Variants in TMEM272 observed in about 807,000 individuals in gnomAD.
The protein encoded by TMEM272 is long intergenic non-protein coding RNA 282.
In TMEM272, 8 loss-of-function variants were observed where a neutral mutation model predicts 3.7. That is an observed-to-expected ratio of 2.17 (90% CI 1.27 to 3.91). The LOEUF (loss-of-function observed/expected upper bound fraction) is 3.91, where lower values mean the gene tolerates loss of function less well. TMEM272 is among the 30% of genes most tolerant of loss of function. The pLI, the probability that TMEM272 is intolerant of heterozygous loss-of-function variation, is 0.00. For missense variants in TMEM272, 166 were observed against 91.5 expected (o/e 1.81, Z -3.32); for synonymous variants, 63 against 39.8 (o/e 1.58, Z -2.20).
the TMEM272 span, among the ~76,000 whole-genome samples, chr13:51,912,814 G>A: frequency 3.9e-5 from 6 of 152,128 alleles, no homozygotes; most frequent in African/African-American, 9.7e-5. Context: ...TTTAATGCAC[G>A]CTCACTGAAT....
the TMEM272 span, chr13:51,866,202 T>A: frequency 1.1e-6 from 1 of 886,000 alleles, no homozygotes; most frequent in Non-Finnish European, 1.7e-6. Flanking sequence ...AAAGATCCAA[T>A]AAAGTCCTGA....
At chr13:51,827,281 G>T (rs1275710969) in intron 2 of TMEM272, among the ~76,000 whole-genome samples, 3 of 152,118 alleles carry the variant, frequency 2.0e-5, no homozygotes, top group Non-Finnish European at 4.4e-5. Context: ...CACAGGCTTG[G>T]GTCCAAATCC....
intron 2 of TMEM272, among the ~76,000 whole-genome samples, chr13:51,831,356 CAA>C (rs1286899887): frequency 6.6e-6 from 1 of 152,098 alleles, no homozygotes; most frequent in Non-Finnish European, 1.5e-5. Flanking sequence ...CCCAGGAGTT[CAA>C]GTCTGTAGTG....
the TMEM272 span, among the ~76,000 whole-genome samples, chr13:51,874,167 C>T: frequency 0.53 from 80,712 of 152,068 alleles, 21,602 homozygotes; most frequent in Non-Finnish European, 0.56. Flanking sequence ...AGAGCCCACA[C>T]CCTGCTGCAG....
chr13:51,880,816 G>A, the TMEM272 span, among the ~76,000 whole-genome samples: 3 of 152,152 alleles, frequency 2.0e-5, no homozygotes, highest in Non-Finnish European at 4.4e-5. Flanking sequence ...GGGGGTGAGG[G>A]ATAAAAGACT....
At chr13:51,854,990 G>A in the TMEM272 span, among the ~76,000 whole-genome samples, 1 of 152,146 alleles carries the variant, frequency 6.6e-6, no homozygotes, top group Non-Finnish European at 1.5e-5. Flanking sequence ...GGACATCTCA[G>A]AGATACCTAG....
chr13:51,870,261 G>T, the TMEM272 span, among the ~76,000 whole-genome samples: 958 of 151,826 alleles, frequency 6.3e-3, 7 homozygotes, highest in African/African-American at 0.018. Context: ...GGTTTTTTTT[G>T]TGTGTGTGAC....
the TMEM272 span, among the ~76,000 whole-genome samples, chr13:51,915,784 T>C: frequency 2.6e-5 from 4 of 152,200 alleles, no homozygotes; most frequent in Non-Finnish European, 5.9e-5. Flanking sequence ...TTAAAATCAC[T>C]GACACGTGGC....
chr13:51,851,848 T>G, the TMEM272 span, among the ~76,000 whole-genome samples: 18 of 152,196 alleles, frequency 1.2e-4, no homozygotes, highest in Non-Finnish European at 2.2e-4. Context: ...TACAGCTGCA[T>G]AGTACTTTGC....
At chr13:51,849,993 T>A (rs370248725), upstream of TMEM272, among the ~76,000 whole-genome samples, 109 of 152,278 alleles carry the variant, frequency 7.2e-4, no homozygotes, top group African/African-American at 2.6e-3. Context: ...GACAGGAGGA[T>A]TGCTTGACAC....
chr13:51,870,584 A>G, the TMEM272 span, among the ~76,000 whole-genome samples: 2 of 152,246 alleles, frequency 1.3e-5, no homozygotes, highest in Admixed American at 6.5e-5. Flanking sequence ...GAAATCCACA[A>G]GAACAAAAAG....
the TMEM272 span, among the ~76,000 whole-genome samples, chr13:51,876,688 T>A: frequency 2.6e-5 from 4 of 152,284 alleles, no homozygotes; most frequent in East Asian, 7.7e-4. Flanking sequence ...GTCTGGAAAA[T>A]CAATTTTTGG....
At chr13:51,926,704 G>T in the TMEM272 span, among the ~76,000 whole-genome samples, 2 of 152,082 alleles carry the variant, frequency 1.3e-5, no homozygotes, top group Non-Finnish European at 2.9e-5. Flanking sequence ...GGGGACAGGG[G>T]CATGCTGGGA....
At chr13:51,841,185 G>T (rs981600416) in intron 1 of TMEM272, among the ~76,000 whole-genome samples, 1 of 152,190 alleles carries the variant, frequency 6.6e-6, no homozygotes, top group Non-Finnish European at 1.5e-5. Flanking sequence ...CCGGAAGGTC[G>T]GTTCCTTTCC....
At chr13:51,884,266 T>C in the TMEM272 span, among the ~76,000 whole-genome samples, 138,264 of 152,270 alleles carry the variant, frequency 0.91, 63,085 homozygotes, top group East Asian at 0.97. Flanking sequence ...ATGCAGGATT[T>C]GGGGTTGATC....
chr13:51,863,672 GACACACACACACACACAC>G, the TMEM272 span, among the ~76,000 whole-genome samples: 3 of 134,388 alleles, frequency 2.2e-5, no homozygotes, highest in African/African-American at 8.2e-5. Context: ...CGCGCACACA[GACACACACACACACACAC>G]ACACACACAC....
rs1956290612 is a variant in TMEM272, at chr13:51,823,760, A to G, written c.119-1623T>C. Among the ~76,000 whole-genome samples, 3 of 152,382 alleles carry G rather than the reference A, an allele frequency of 2.0e-5. No individual in the cohort carries two copies. In the South Asian group the frequency reaches 6.2e-4, roughly 32 times the overall value. On this transcript the variant is annotated intron_variant, in intron 3 of 4. Coordinates refer to ENST00000629372, the MANE Select transcript of TMEM272 (RefSeq NM_001351003.2). The stretch of plus-strand genomic sequence containing the variant: ...TTTTATTCCCTATAAATGCCTTGAT[A>G]CTTAAGCAGAGGGAGTAAACTGTTT...
At chr13:51,850,280 G>T in the TMEM272 span, among the ~76,000 whole-genome samples, 1 of 152,042 alleles carries the variant, frequency 6.6e-6, no homozygotes, top group African/African-American at 2.4e-5. Flanking sequence ...AAGTAATGAT[G>T]ATTTCCTTAT....
At chr13:51,856,839 A>G in the TMEM272 span, among the ~76,000 whole-genome samples, 2 of 152,218 alleles carry the variant, frequency 1.3e-5, no homozygotes, top group African/African-American at 4.8e-5. Flanking sequence ...CAGAAACCAG[A>G]CTAACTGAAA....
Sources: allele counts gnomAD v4.1 joint callset (sites outside exome capture counted in the v4.1 genomes callset), GRCh38; gene constraint gnomAD v4.1.1; transcripts MANE v1.5; gene names NCBI Gene and HGNC (gene_info 2026-07-23, HGNC 2026-07-21).